Variants in PDZRN4 observed in about 807,000 individuals in gnomAD.
The protein encoded by PDZRN4 is PDZ domain containing ring finger 4, also known as PDZ domain-containing RING finger protein 4.
In PDZRN4, 70 loss-of-function variants were observed where a neutral mutation model predicts 99.0. The ratio of observed to expected loss-of-function variants is 0.71; its 90% CI spans 0.58 to 0.86. The LOEUF is 0.86. Ranked by LOEUF, PDZRN4 falls within the 40% of genes least tolerant of loss-of-function variation. PDZRN4 has a pLI of 0.00. For missense variants in PDZRN4, 1,474 were observed against 1,331.2 expected (o/e 1.11, Z -1.67); for synonymous variants, 551 against 501.6 (o/e 1.10, Z -1.32).
intron 3 of PDZRN4, among the ~76,000 whole-genome samples, chr12:41,242,752 G>A (rs975213235): frequency 1.3e-5 from 2 of 152,044 alleles, no homozygotes; most frequent in Non-Finnish European, 2.9e-5. Flanking sequence ...TAAAACTGCT[G>A]CTGCAAAACA....
intron 3 of PDZRN4, among the ~76,000 whole-genome samples, chr12:41,491,734 A>G (rs1043453392): frequency 6.6e-6 from 1 of 151,676 alleles, no homozygotes; most frequent in African/African-American, 2.4e-5. Context: ...TTTTATTGTC[A>G]TTGGAAATTA....
At chr12:41,531,120 G>A (rs1203591862) in intron 5 of PDZRN4, among the ~76,000 whole-genome samples, 1 of 152,152 alleles carries the variant, frequency 6.6e-6, no homozygotes, top group African/African-American at 2.4e-5. Context: ...TGCAAGGACA[G>A]AGGGCTTTCT....
At chr12:41,214,452 T>TAAAAAAAAAAAAAAAAAAAAA (rs1555216889) in intron 3 of PDZRN4, among the ~76,000 whole-genome samples, 1 of 53,084 alleles carries the variant, frequency 1.9e-5, no homozygotes. Flanking sequence ...AAAAAAAAAG[T>TAAAAAAAAAAAAAAAAAAAAA]TATCTATTTG....
At chr12:41,375,900 A>G (rs537965770) in intron 3 of PDZRN4, among the ~76,000 whole-genome samples, 1 of 152,080 alleles carries the variant, frequency 6.6e-6, no homozygotes, top group South Asian at 2.1e-4. Context: ...TGAACTTCTC[A>G]TTTCCCCCAA....
chr12:41,303,910 T>A (rs1057009454), intron 3 of PDZRN4, among the ~76,000 whole-genome samples: 1 of 152,174 alleles, frequency 6.6e-6, no homozygotes, highest in Admixed American at 6.6e-5. Context: ...TGACCTCAGC[T>A]TTTTTAATTC....
rs570767763 is a variant in PDZRN4, at chr12:41,371,617, T to C, written c.844-134839T>C. Reference sequence around the variant, plus strand: ...GAGTCTGTAACTGCCTGAGCTATCATGGCATCCGCTAGAGGGTTTAGCTTT... The same window carrying C: ...GAGTCTGTAACTGCCTGAGCTATCACGGCATCCGCTAGAGGGTTTAGCTTT... On this transcript the variant is annotated intron_variant, in intron 3 of 9. Transcript: ENST00000402685. Among the ~76,000 whole-genome samples, 4 of 152,304 alleles carry C rather than the reference T, an allele frequency of 2.6e-5. No homozygotes were observed. The East Asian group carries it at 5.8e-4, about 22-fold the overall frequency.
intron 3 of PDZRN4, among the ~76,000 whole-genome samples, chr12:41,466,752 T>G (rs943563730): frequency 1.8e-4 from 4 of 21,978 alleles, no homozygotes; most frequent in African/African-American, 1.1e-3. Context: ...ATTTCCAGTG[T>G]TTTTTTTTTT....
At chr12:41,349,282 G>A (rs906319584) in intron 3 of PDZRN4, among the ~76,000 whole-genome samples, 11 of 151,740 alleles carry the variant, frequency 7.2e-5, no homozygotes, top group Non-Finnish European at 1.5e-4. Flanking sequence ...ACTATAAGAA[G>A]GGGAATTTCC....
intron 3 of PDZRN4, among the ~76,000 whole-genome samples, chr12:41,271,025 A>G (rs1001097535): frequency 6.6e-6 from 1 of 152,092 alleles, no homozygotes; most frequent in Non-Finnish European, 1.5e-5. Flanking sequence ...GTAGCATCAC[A>G]TATATGACTA....
At chr12:41,431,682 T>C (rs1381425248) in intron 3 of PDZRN4, among the ~76,000 whole-genome samples, 1 of 152,226 alleles carries the variant, frequency 6.6e-6, no homozygotes, top group East Asian at 1.9e-4. Flanking sequence ...TCTAGTCTAA[T>C]AATGTTTGTG....
chr12:41,220,624 G>A (rs1162010515), intron 3 of PDZRN4, among the ~76,000 whole-genome samples: 1 of 152,144 alleles, frequency 6.6e-6, no homozygotes, highest in African/African-American at 2.4e-5. Context: ...GCCAGAAGCT[G>A]ACTTGGATAG....
intron 3 of PDZRN4, among the ~76,000 whole-genome samples, chr12:41,299,970 A>G (rs886294001): frequency 1.1e-4 from 17 of 151,958 alleles, no homozygotes; most frequent in African/African-American, 3.9e-4. Flanking sequence ...ATATATCTTT[A>G]TTCAACTGTT....
chr12:41,270,020 A>G (rs1328401498), intron 3 of PDZRN4, among the ~76,000 whole-genome samples: 2 of 152,032 alleles, frequency 1.3e-5, no homozygotes, highest in Non-Finnish European at 2.9e-5. Context: ...TTTTTGAATA[A>G]ATTCTAATGG....
chr12:41,527,049 A>G (rs148079211), intron 5 of PDZRN4, among the ~76,000 whole-genome samples: 2 of 152,368 alleles, frequency 1.3e-5, no homozygotes, highest in East Asian at 3.9e-4. Context: ...ACGGGAAGAC[A>G]TATATAATTA....
chr12:41,559,714 T>G, intron 7 of PDZRN4, among the ~76,000 whole-genome samples: 1 of 152,144 alleles, frequency 6.6e-6, no homozygotes, highest in East Asian at 1.9e-4. Context: ...GTTGATATGG[T>G]TTAACTATGT....
intron 3 of PDZRN4, among the ~76,000 whole-genome samples, chr12:41,428,692 A>T (rs1308524452): frequency 6.6e-6 from 1 of 152,162 alleles, no homozygotes; most frequent in Non-Finnish European, 1.5e-5. Context: ...GCGACCAGGG[A>T]ATCAGGGGCA....
chr12:41,397,617 T>A (rs996456157), intron 3 of PDZRN4, among the ~76,000 whole-genome samples: 2 of 152,158 alleles, frequency 1.3e-5, no homozygotes, highest in African/African-American at 4.8e-5. Flanking sequence ...GAATTCAGTC[T>A]TTTTTAGTAC....
intron 3 of PDZRN4, among the ~76,000 whole-genome samples, chr12:41,198,750 TA>T (rs1234937228): frequency 3.3e-5 from 5 of 151,918 alleles, no homozygotes; most frequent in African/African-American, 1.2e-4. Flanking sequence ...CCCTAAAACT[TA>T]AAGTATAGTA....
chr12:41,324,688 T>G (rs989906534), intron 3 of PDZRN4, among the ~76,000 whole-genome samples: 1 of 152,102 alleles, frequency 6.6e-6, no homozygotes, highest in Non-Finnish European at 1.5e-5. Flanking sequence ...TGTCATATAT[T>G]CTAGATCTGT....
Sources: gnomAD v4.1 joint callset for allele counts (sites outside exome capture counted in the v4.1 genomes callset) on GRCh38, gnomAD v4.1.1 for gene constraint, MANE v1.5 for transcripts, NCBI Gene and HGNC (gene_info 2026-07-23, HGNC 2026-07-21) for gene names.